SGCD: variants seen among roughly 807,000 people sequenced by gnomAD.
SGCD encodes the protein delta-sarcoglycan.
A neutral mutation model predicts 36.6 loss-of-function variants in SGCD; 18 were observed. The ratio of observed to expected loss-of-function variants is 0.49; its 90% confidence interval spans 0.34 to 0.73. SGCD has a LOEUF of 0.73. SGCD is among the 30% of genes least tolerant of loss of function. The probability of loss-of-function intolerance (pLI) is 0.01; values close to 1 mark genes in which losing one functional copy is unlikely to be tolerated. For synonymous variants in SGCD, 133 were observed against 130.6 expected (o/e 1.02, Z -0.12); for missense variants, 387 against 346.7 (o/e 1.12, Z -0.92).
chr5:155,951,732 C>T (rs551616101), intron 1 of SGCD, among the ~76,000 whole-genome samples: 1 of 152,218 alleles, frequency 6.6e-6, no homozygotes, highest in East Asian at 1.9e-4. Context: ...TTCTCCATAT[C>T]TCTGAGGTGG....
Position 156,155,991 on chromosome 5 carries a change from A to C in SGCD, c.-44+31972A>C, listed in dbSNP as rs564197708. ...ATTCCAAAAAGCTATCAAAAAATCA[A>C]TTGACCTGCCAAAATTCCACCTTAT... is the stretch of plus-strand genomic sequence containing the variant. On this transcript the variant is annotated intron_variant, in intron 3 of 9. Transcript: ENST00000517913. Among the ~76,000 whole-genome samples the C allele has an allele frequency of 3.1e-4, 47 of 151,808 alleles. 3 individuals are homozygous for C. The highest frequency in any genetic ancestry group is 1.1e-3 in the African/African-American group (45 of 41,076).
rs945456495 is a variant in SGCD at position 156,424,939 on chromosome 5, G to T, written c.192+80262G>T. Among the ~76,000 whole-genome samples, 3 of 152,006 alleles carry T rather than the reference G, an allele frequency of 2.0e-5. No individual in the cohort carries two copies. The South Asian group carries it at 6.2e-4, about 32-fold the overall frequency. On this transcript the variant is annotated intron_variant, in intron 3 of 8. Transcript: ENST00000337851. ...AACTTTTTTTATTGAGGCTGGCCAC[G>T]TAGGCAGCCTGTGCCTGGGATATAC... is the stretch of plus-strand genomic sequence containing the variant.
intron 3 of SGCD, among the ~76,000 whole-genome samples, chr5:156,267,040 G>T (rs1766015139): frequency 6.6e-6 from 1 of 152,086 alleles, no homozygotes; most frequent in African/African-American, 2.4e-5. Flanking sequence ...TTGTGTTCTA[G>T]ATCCAGCTCT....
intron 3 of SGCD, among the ~76,000 whole-genome samples, chr5:156,501,120 C>T (rs190076224): frequency 5.9e-5 from 9 of 152,282 alleles, no homozygotes; most frequent in Admixed American, 2.6e-4. Context: ...CTCCTCGGGA[C>T]ACTGGCAGGA....
intron 1 of SGCD, among the ~76,000 whole-genome samples, chr5:156,012,702 T>C (rs925527217): frequency 1.3e-5 from 2 of 151,206 alleles, no homozygotes; most frequent in Non-Finnish European, 2.9e-5. Flanking sequence ...AAGCTCCGCC[T>C]CCTGGGTTCA....
Position 156,558,115 on chromosome 5 carries a change from ATATATATATT to A in SGCD, c.295-31115_295-31106del, listed in dbSNP as rs1185016353. ...TATATATATATATATATATATATAT[ATATATATATT>A]ATTTAACTCTCTTTTAAAGGCAGTT... On this transcript the variant is annotated intron_variant, in intron 4 of 8. Coordinates refer to ENST00000337851, the MANE Select transcript of SGCD (RefSeq NM_000337.6). Among the ~76,000 whole-genome samples the A allele has an allele frequency of 1.3e-3, 176 of 134,870 alleles. 4 individuals are homozygous for A. Among genetic ancestry groups the A allele is most frequent in the Non-Finnish European group, 1.8e-3 (111 of 63,034 alleles). 88.5% of individuals were successfully genotyped at this position (134,870 alleles called of 152,430 possible).
chr5:156,302,943 A>G (rs566913240), intron 3 of SGCD, among the ~76,000 whole-genome samples: 150 of 152,298 alleles, frequency 9.8e-4, no homozygotes, highest in Admixed American at 2.5e-3. Context: ...ACTAGGTCTT[A>G]CCCAAAGCCT....
At chr5:155,936,355 C>A (rs1235820484) in intron 1 of SGCD, among the ~76,000 whole-genome samples, 1 of 152,106 alleles carries the variant, frequency 6.6e-6, no homozygotes, top group African/African-American at 2.4e-5. Flanking sequence ...TCAGGGGCGA[C>A]CCTGGGATGG....
the SGCD span, among the ~76,000 whole-genome samples, chr5:155,776,320 T>TG: frequency 6.6e-6 from 1 of 152,156 alleles, no homozygotes; most frequent in Non-Finnish European, 1.5e-5. Flanking sequence ...CAGAGTACAT[T>TG]GGACAAGTCA....
intron 6 of SGCD, among the ~76,000 whole-genome samples, chr5:156,646,269 C>CCACCG (rs1322814176): frequency 1.3e-5 from 2 of 152,190 alleles, no homozygotes; most frequent in Non-Finnish European, 2.9e-5. Flanking sequence ...CAATCATTTG[C>CCACCG]CACCGCTGCC....
At chr5:156,411,134 TA>T (rs1318128442) in intron 3 of SGCD, among the ~76,000 whole-genome samples, 1 of 152,228 alleles carries the variant, frequency 6.6e-6, no homozygotes, top group African/African-American at 2.4e-5. Context: ...AGTTACACAG[TA>T]AAAACTCAGT....
intron 7 of SGCD, among the ~76,000 whole-genome samples, chr5:156,729,693 T>C (rs1324824386): frequency 6.6e-6 from 1 of 152,226 alleles, no homozygotes; most frequent in Non-Finnish European, 1.5e-5. Context: ...GGTTAGTATA[T>C]ATAAGTAATT....
chr5:156,164,022 CAAAA>C (rs1212346034), intron 3 of SGCD, among the ~76,000 whole-genome samples: 3 of 58,464 alleles, frequency 5.1e-5, no homozygotes, highest in Admixed American at 1.9e-4. Flanking sequence ...GACTCTGTCT[CAAAA>C]AAAAAAAAAA....
At chr5:156,210,924 CT>C (rs1179668790) in intron 3 of SGCD, among the ~76,000 whole-genome samples, 2 of 151,894 alleles carry the variant, frequency 1.3e-5, no homozygotes, top group African/African-American at 4.8e-5. Flanking sequence ...CTTTATAAAT[CT>C]GGGGGAAAGA....
chr5:156,151,818 C>T (rs1186138617), intron 3 of SGCD, among the ~76,000 whole-genome samples: 1 of 124,954 alleles, frequency 8.0e-6, no homozygotes, highest in African/African-American at 3.5e-5. Flanking sequence ...ATGTTTACAT[C>T]ATTTCTTCTT....
At chr5:155,767,998 G>A in the SGCD span, among the ~76,000 whole-genome samples, 1 of 152,140 alleles carries the variant, frequency 6.6e-6, no homozygotes, top group African/African-American at 2.4e-5. Context: ...TTTTATACCT[G>A]TAAAATGAAT....
the SGCD span, among the ~76,000 whole-genome samples, chr5:155,730,474 T>TGG: frequency 6.6e-6 from 1 of 151,020 alleles, no homozygotes; most frequent in South Asian, 2.1e-4. Flanking sequence ...TGTGTGTGTG[T>TGG]GGCGAGGGGA....
At chr5:156,022,071 T>C (rs1274202262) in intron 1 of SGCD, among the ~76,000 whole-genome samples, 1 of 152,184 alleles carries the variant, frequency 6.6e-6, no homozygotes, top group Non-Finnish European at 1.5e-5. Flanking sequence ...ACAAATCTAC[T>C]TTCTGTCTCT....
intron 3 of SGCD, among the ~76,000 whole-genome samples, chr5:156,375,223 G>T (rs1388627186): frequency 6.6e-6 from 1 of 151,930 alleles, no homozygotes; most frequent in Non-Finnish European, 1.5e-5. Flanking sequence ...CGATCTGAAG[G>T]TAATTTGCTT....
Sources: allele counts gnomAD v4.1 joint callset (sites outside exome capture counted in the v4.1 genomes callset), GRCh38; gene constraint gnomAD v4.1.1; transcripts MANE v1.5; gene names NCBI Gene and HGNC (gene_info 2026-07-23, HGNC 2026-07-21).